The following ARHGEF33 variants were observed in gnomAD, a reference collection of about 807,000 sequenced individuals.
The protein encoded by ARHGEF33 is Rho guanine nucleotide exchange factor 33.
Under a neutral mutation model 101.9 loss-of-function variants are expected in ARHGEF33, and 72 were observed. That is an observed-to-expected ratio of 0.71 (90% confidence interval 0.58 to 0.86). ARHGEF33 has a LOEUF of 0.86. Ranked by LOEUF, ARHGEF33 falls within the 40% of genes least tolerant of loss-of-function variation. The pLI, the probability that ARHGEF33 is intolerant of heterozygous loss-of-function variation, is 0.00. For synonymous variants in ARHGEF33, 499 were observed against 442.5 expected, an observed-to-expected ratio of 1.13 and a Z score of -1.60; for missense variants, 1,169 against 1,111.3, an observed-to-expected ratio of 1.05 and a Z score of -0.74.
At chr2:38,891,732 C>T (rs1434804974) in intron 1 of ARHGEF33, among the ~76,000 whole-genome samples, 1 of 151,940 alleles carries the variant, frequency 6.6e-6, no homozygotes. Context: ...CCCACCCGCC[C>T]CCCACACAAT....
At chr2:38,914,751 T>G (rs1359416952) in intron 2 of ARHGEF33, among the ~76,000 whole-genome samples, 4 of 151,668 alleles carry the variant, frequency 2.6e-5, no homozygotes, top group Non-Finnish European at 1.5e-5. Context: ...GAGAGTGAGA[T>G]GCAGAGAAGT....
chr2:38,915,374 T>C lies in ARHGEF33; in HGVS notation c.-85-3989T>C, dbSNP rs555020354. ...TCCAAATTTTCTCTAACGTAGTTTT[T>C]TTATTGACTTTTTTTTTTTTTTTTT... On this transcript the variant is annotated intron_variant, in intron 2 of 17. Coordinates refer to ENST00000409978, the MANE Select transcript of ARHGEF33 (RefSeq NM_001145451.5). 6.3e-4 allele frequency among the ~76,000 whole-genome samples: 91 copies of C among 145,098 alleles called. 2 individuals carry two copies. The highest frequency in any genetic ancestry group is 9.0e-5 in the Non-Finnish European group (6 of 67,024).
At chr2:38,923,382 TA>T (rs1282280185) in intron 4 of ARHGEF33, among the ~76,000 whole-genome samples, 1 of 152,132 alleles carries the variant, frequency 6.6e-6, no homozygotes, top group East Asian at 1.9e-4. Flanking sequence ...GAGTTAACCA[TA>T]ATAGAATAAA....
chr2:38,952,603 G>C (rs1213220058), intron 11 of ARHGEF33, among the ~76,000 whole-genome samples: 1 of 152,046 alleles, frequency 6.6e-6, no homozygotes, highest in Non-Finnish European at 1.5e-5. Context: ...CTCCTCCCTG[G>C]TTTCATTATT....
chr2:38,917,816 G>A (rs1278858777), intron 2 of ARHGEF33, among the ~76,000 whole-genome samples: 11 of 146,646 alleles, frequency 7.5e-5, no homozygotes, highest in South Asian at 2.2e-4. Context: ...GCAACAGAGC[G>A]AGACCTTGTC....
chr2:38,941,001 C>G (rs1424342743), intron 9 of ARHGEF33, among the ~76,000 whole-genome samples: 2 of 152,126 alleles, frequency 1.3e-5, no homozygotes, highest in African/African-American at 4.8e-5. Context: ...GGAAAAATGT[C>G]TCAAAAGACC....
In ARHGEF33 at chr2:38,921,411, G is replaced by T; in HGVS notation, c.63G>T (p.Thr21=). 6.5e-7 allele frequency: 1 copy of T among 1,544,728 alleles called. No individual in the cohort carries two copies. The part of the protein sequence containing the change: ...NEHMPVNNPS[T]QIYQLQALAS... ...ATATGCCGGTGAATAATCCTTCCAC[G>T]CAGATTTACCAGGTAAAGACAAATC... is the stretch of plus-strand genomic sequence containing the variant. The change falls in exon 4 of 18, where the codon ACG becomes ACT. Residue 21 remains threonine (T), a synonymous_variant. Coordinates refer to ENST00000409978, the MANE Select transcript of ARHGEF33 (RefSeq NM_001145451.5).
chr2:38,944,876 G>GGTGTGTGTGTGT lies in ARHGEF33; in HGVS notation c.920+860_920+871dup, dbSNP rs397942466. Among the ~76,000 whole-genome samples the GGTGTGTGTGTGT allele has an allele frequency of 3.7e-3, 533 of 145,724 alleles. 3 individuals are homozygous for GGTGTGTGTGTGT. Among genetic ancestry groups the GGTGTGTGTGTGT allele is most frequent in the African/African-American group, 0.013 (495 of 39,012 alleles). ...ATCTTATGGTACTGAGTAATGCATG[G>GGTGTGTGTGTGT]GTGTGTGTGTGTGTGTGTGTGTGTG... On this transcript the variant is annotated intron_variant, in intron 10 of 17. Transcript: ENST00000409978.
chr2:38,928,587 T>C (rs1666923924), intron 4 of ARHGEF33, among the ~76,000 whole-genome samples: 1 of 152,226 alleles, frequency 6.6e-6, no homozygotes, highest in Non-Finnish European at 1.5e-5. Flanking sequence ...ACATACATGT[T>C]TCTTTTCAAG....
chr2:38,945,072 A>C (rs1572765560), intron 10 of ARHGEF33, among the ~76,000 whole-genome samples: 1 of 152,214 alleles, frequency 6.6e-6, no homozygotes, highest in East Asian at 1.9e-4. Context: ...TGAATATATA[A>C]TAATCCAGAA....
chr2:38,919,226 A>G, intron 2 of ARHGEF33, 137 bp from the exon 3 acceptor site: 1 of 509,346 alleles, frequency 2.0e-6, no homozygotes, highest in Non-Finnish European at 3.6e-6. Flanking sequence ...TGTGTACTTA[A>G]TTTAATATTT....
In ARHGEF33 at chr2:38,957,043, A is replaced by C. The variant is rs1667785878; in HGVS notation, c.1366A>C (p.Lys456Gln). Residue 456 changes from lysine to glutamine, a missense_variant, in exon 14 of 18, where the codon AAG becomes CAG. Lys to Gln is a moderately conservative substitution (Grantham distance 53). Transcript: ENST00000409978. ...GCTTATTCAGAAACGGAAAAAGCTC[A>C]AGAAGTAAGGTTCTGATGGTGTGGT... ...DLLIQKRKKL[K>Q]KSSMAKLYKG... 1.3e-6 allele frequency: 2 copies of C among 1,551,778 alleles called. No homozygotes were observed. Among genetic ancestry groups the C allele is most frequent in the Non-Finnish European group, 1.7e-6 (2 of 1,147,020 alleles).
intron 2 of ARHGEF33, among the ~76,000 whole-genome samples, chr2:38,903,038 T>C (rs1432051675): frequency 1.3e-5 from 2 of 152,152 alleles, no homozygotes; most frequent in African/African-American, 4.8e-5. Context: ...AGGAACGAAA[T>C]AGGCCTTGGT....
In ARHGEF33 at chr2:38,960,102, C is replaced by G; in HGVS notation, c.1797C>G (p.Ala599=). 6.5e-7 allele frequency: 1 copy of G among 1,542,062 alleles called. No individual in the cohort carries two copies. Among genetic ancestry groups the G allele is most frequent in the Non-Finnish European group, 8.7e-7 (1 of 1,145,014 alleles). The change falls in exon 16 of 18, where the codon GCC becomes GCG. Residue 599 remains alanine (A), a synonymous_variant. Coordinates refer to ENST00000409978, the MANE Select transcript of ARHGEF33 (RefSeq NM_001145451.5). ...GNVERSLRAP[A]ELLPDARGFV... ...TGGAGCGCTCCCTGCGCGCCCCGGCCGAGCTCCTGCCCGATGCCCGCGGCT... is the reference window on the plus strand; with the variant it reads ...TGGAGCGCTCCCTGCGCGCCCCGGCGGAGCTCCTGCCCGATGCCCGCGGCT...
At chr2:38,939,505 C>A (rs898170183) in intron 9 of ARHGEF33, among the ~76,000 whole-genome samples, 2 of 152,194 alleles carry the variant, frequency 1.3e-5, no homozygotes, top group African/African-American at 4.8e-5. Flanking sequence ...ATGGTTAGTC[C>A]TTTCAATGTT....
chr2:38,961,542 C>G (rs145548922), intron 16 of ARHGEF33, among the ~76,000 whole-genome samples: 2 of 152,280 alleles, frequency 1.3e-5, no homozygotes, highest in African/African-American at 4.8e-5. Flanking sequence ...ACCTGTGCGA[C>G]CACCCTTCCG....
At chr2:38,928,260 T>C (rs900274954) in intron 4 of ARHGEF33, among the ~76,000 whole-genome samples, 1 of 152,202 alleles carries the variant, frequency 6.6e-6, no homozygotes, top group African/African-American at 2.4e-5. Context: ...TGGAGATGAT[T>C]CATATCACCA....
At chr2:38,895,976 C>G (rs1666112978) in intron 2 of ARHGEF33, 127 bp downstream of exon 2, 1 of 152,130 alleles carries the variant, frequency 6.6e-6, no homozygotes, top group African/African-American at 2.4e-5. Context: ...TATAACCATT[C>G]TTGGTTTGAT....
rs1297292050 is a variant in ARHGEF33 at position 38,917,518 on chromosome 2, A to G, written c.-85-1845A>G. ...TACCACTAACACAATTAAGCAGTAGAACATTTCTATCCAAAAAAGTTTCCT... is the reference window on the plus strand; with the variant it reads ...TACCACTAACACAATTAAGCAGTAGGACATTTCTATCCAAAAAAGTTTCCT... On this transcript the variant is annotated intron_variant, in intron 2 of 17. Transcript: ENST00000409978. Among the ~76,000 whole-genome samples the G allele has an allele frequency of 2.0e-5, 3 of 152,304 alleles. No individual in the cohort carries two copies. In the East Asian group the frequency reaches 5.8e-4, roughly 29 times the overall value.
Sources: gnomAD v4.1 joint callset for allele counts (sites outside exome capture counted in the v4.1 genomes callset) on GRCh38, gnomAD v4.1.1 for gene constraint, MANE v1.5 for transcripts, NCBI Gene and HGNC (gene_info 2026-07-23, HGNC 2026-07-21) for gene names.